The following IL1RAPL2 variants were observed in gnomAD, a reference collection of about 807,000 sequenced individuals.
IL1RAPL2 encodes the protein interleukin 1 receptor accessory protein like 2.
IL1RAPL2 carries 3 observed loss-of-function variants against 44.1 expected under a neutral mutation model. The ratio of observed to expected loss-of-function variants is 0.07; its 90% CI spans 0.03 to 0.18. The LOEUF is 0.18. IL1RAPL2 is among the 10% of genes least tolerant of loss of function. The pLI is 1.00. For missense variants in IL1RAPL2, 391 were observed against 496.4 expected (o/e 0.79, Z 2.02); for synonymous variants, 181 against 178.8 (o/e 1.01, Z -0.10).
chrX:104,628,035 ATAAT>A (rs1929552217), intron 1 of IL1RAPL2, among the ~76,000 whole-genome samples: 2 of 111,760 alleles, frequency 1.8e-5, no homozygotes, highest in African/African-American at 6.5e-5. Flanking sequence ...ATAGAACTAA[ATAAT>A]TTTATATTTA....
At chrX:105,537,652 A>T (rs1177578225) in intron 6 of IL1RAPL2, among the ~76,000 whole-genome samples, 1 of 111,762 alleles carries the variant, frequency 8.9e-6, no homozygotes, top group African/African-American at 3.3e-5. Context: ...ACCTTTAGCA[A>T]ATTTCTCAAC....
intron 2 of IL1RAPL2, among the ~76,000 whole-genome samples, chrX:104,818,343 CA>C (rs768639524): frequency 2.3e-3 from 64 of 27,428 alleles, no homozygotes; most frequent in South Asian, 4.6e-3. Context: ...GACTCCGTCT[CA>C]AAAAAAAAAA....
chrX:105,095,238 T>G (rs1213605790), intron 2 of IL1RAPL2, among the ~76,000 whole-genome samples: 2 of 111,649 alleles, frequency 1.8e-5, no homozygotes, highest in Non-Finnish European at 3.8e-5. Context: ...AATTCCTGAC[T>G]TTTTTCTGAT....
chrX:104,830,320 AAAAAG>A (rs1262384513), intron 2 of IL1RAPL2, among the ~76,000 whole-genome samples: 34 of 111,640 alleles, frequency 3.0e-4, no homozygotes, highest in African/African-American at 1.0e-3. Context: ...AAGAGGAAGA[AAAAAG>A]AGAAAGATCA....
At chrX:105,457,031 T>TACACAC in intron 5 of IL1RAPL2, among the ~76,000 whole-genome samples, 1 of 71,033 alleles carries the variant, frequency 1.4e-5, no homozygotes, top group Non-Finnish European at 2.6e-5. Context: ...TATCTAAAGT[T>TACACAC]ATACACACAC....
At chrX:105,316,566 A>G (rs1172007749) in intron 5 of IL1RAPL2, among the ~76,000 whole-genome samples, 1 of 112,048 alleles carries the variant, frequency 8.9e-6, no homozygotes, top group Non-Finnish European at 1.9e-5. Flanking sequence ...AAAATTGGAT[A>G]CCATCTGGTA....
At chrX:105,479,332 T>C (rs1325290088) in intron 5 of IL1RAPL2, among the ~76,000 whole-genome samples, 1 of 111,805 alleles carries the variant, frequency 8.9e-6, no homozygotes, top group Non-Finnish European at 1.9e-5. Context: ...TTTTTGTTTG[T>C]TACCAAACTT....
chrX:105,616,968 C>A (rs908658366), intron 6 of IL1RAPL2, among the ~76,000 whole-genome samples: 17 of 110,056 alleles, frequency 1.5e-4, no homozygotes, highest in African/African-American at 5.6e-4. Flanking sequence ...TGACCCTGGG[C>A]AAGTGACCTA....
In IL1RAPL2 at chrX:105,259,086, G is replaced by A. The variant is rs1049347913; in HGVS notation, c.544-8302G>A. Among the ~76,000 whole-genome samples, 24 of 111,239 alleles carry A rather than the reference G, an allele frequency of 2.2e-4. 1 individual carries two copies. The highest frequency in any genetic ancestry group is 7.5e-4 in the African/African-American group (23 of 30,505). ...TTCCTTTAACTGCAGTGTAGATTGA[G>A]TACAGTCAATAGGTGTTTCTGGATG... On this transcript the variant is annotated intron_variant, in intron 4 of 10. Coordinates refer to ENST00000372582, the MANE Select transcript of IL1RAPL2 (RefSeq NM_017416.2).
chrX:105,325,338 T>C, intron 5 of IL1RAPL2, among the ~76,000 whole-genome samples: 1 of 110,045 alleles, frequency 9.1e-6, no homozygotes, highest in Non-Finnish European at 1.9e-5. Flanking sequence ...TTGTACAGTG[T>C]TTTCAAGGTT....
intron 2 of IL1RAPL2, among the ~76,000 whole-genome samples, chrX:104,807,096 G>T (rs1184380611): frequency 9.0e-6 from 1 of 111,133 alleles, no homozygotes; most frequent in Non-Finnish European, 1.9e-5. Context: ...AAAGCATGGT[G>T]CTCAGGTTTC....
At chrX:105,602,757 AG>A (rs2037263004) in intron 6 of IL1RAPL2, among the ~76,000 whole-genome samples, 1 of 108,702 alleles carries the variant, frequency 9.2e-6, no homozygotes, top group Admixed American at 9.9e-5. Context: ...GAAAACTTGG[AG>A]GCCAGAAGAG....
intron 1 of IL1RAPL2, among the ~76,000 whole-genome samples, chrX:104,573,931 T>A (rs942069768): frequency 9.0e-6 from 1 of 111,720 alleles, no homozygotes; most frequent in African/African-American, 3.2e-5. Context: ...TTAATAAAGC[T>A]ACATCTATAC....
At chrX:104,912,437 A>G (rs1301815370) in intron 2 of IL1RAPL2, among the ~76,000 whole-genome samples, 1 of 110,690 alleles carries the variant, frequency 9.0e-6, no homozygotes, top group Non-Finnish European at 1.9e-5. Flanking sequence ...TCAAAAGGCA[A>G]TCCCATCCTC....
intron 6 of IL1RAPL2, among the ~76,000 whole-genome samples, chrX:105,665,527 A>G (rs1004966497): frequency 2.7e-5 from 3 of 110,794 alleles, no homozygotes; most frequent in Non-Finnish European, 5.7e-5. Context: ...TATATTCACC[A>G]TAATATTATT....
Position 104,838,883 on chromosome X carries a change from T to A in IL1RAPL2, c.82+179888T>A, listed in dbSNP as rs1450153565. On this transcript the variant is annotated intron_variant, in intron 2 of 10. Transcript: ENST00000372582. ...TTTTTTTTTTGAGGCAGAGTCTCTC[T>A]CTGTGGCCCAGGCTGGAGTGCAGTG... Among the ~76,000 whole-genome samples the A allele has an allele frequency of 3.3e-5, 3 of 92,210 alleles. No individual in the cohort carries two copies. In the Admixed American group the frequency reaches 3.9e-4, roughly 12 times the overall value. 80.1% of individuals were successfully genotyped at this position (92,210 alleles called of 115,157 possible).
At chrX:104,710,178 T>C (rs773323276) in intron 2 of IL1RAPL2, among the ~76,000 whole-genome samples, 1 of 111,365 alleles carries the variant, frequency 9.0e-6, no homozygotes, top group South Asian at 3.7e-4. Flanking sequence ...AACAAATACA[T>C]GTACAGCCAT....
chrX:104,800,135 A>C (rs1040634217), intron 2 of IL1RAPL2, among the ~76,000 whole-genome samples: 1 of 111,380 alleles, frequency 9.0e-6, no homozygotes, highest in African/African-American at 3.3e-5. Context: ...ATTTACTACA[A>C]GAATACTTAG....
intron 2 of IL1RAPL2, among the ~76,000 whole-genome samples, chrX:104,847,506 T>C (rs1426663422): frequency 1.8e-5 from 2 of 111,474 alleles, no homozygotes; most frequent in Admixed American, 9.6e-5. Flanking sequence ...TGGTTGTAGA[T>C]GTGTGGTATT....
Sources: allele counts gnomAD v4.1 joint callset (sites outside exome capture counted in the v4.1 genomes callset), GRCh38; gene constraint gnomAD v4.1.1; transcripts MANE v1.5; gene names NCBI Gene and HGNC (gene_info 2026-07-23, HGNC 2026-07-21).